Variants in FAT1 observed in about 807,000 individuals in gnomAD.
FAT1 encodes the protein protocadherin Fat 1.
A neutral mutation model predicts 329.8 loss-of-function variants in FAT1; 171 were observed. The observed-to-expected ratio is 0.52, with a 90% CI of 0.46 to 0.59. The LOEUF is 0.59. FAT1 is among the 20% of genes least tolerant of loss of function. The probability of loss-of-function intolerance (pLI) is 0.00; values close to 1 mark genes in which losing one functional copy is unlikely to be tolerated. For missense variants in FAT1, 5,672 were observed against 5,774.4 expected (o/e 0.98, Z 0.57); for synonymous variants, 2,233 against 2,228.6 (o/e 1.00, Z -0.06).
chr4:186,596,874 T>C lies in FAT1; in HGVS notation c.12666A>G (p.Gly4222=). The C allele has an allele frequency of 6.2e-7, 1 of 1,613,992 alleles. No homozygotes were observed. The highest frequency in any genetic ancestry group is 8.5e-7 in the Non-Finnish European group (1 of 1,179,890). The change falls in exon 25 of 27, where the codon GGA becomes GGG. Residue 4222 remains glycine, a synonymous_variant. Transcript: ENST00000441802. The surrounding 1 kb of genome is among the most constrained non-coding windows in gnomAD (Gnocchi z 4.7). ...GTCTTTGCAAGAAAGCCGTAGCGGG[T>C]CCCAGGTGCTTGTCTTTAGGTTCAG... ...HQAEPKDKHL[G]PATAFLQRPY...
chr4:186,617,267 A>C, intron 10 of FAT1, 66 bp from the exon 11 acceptor site: 1 of 1,117,360 alleles, frequency 8.9e-7, no homozygotes, highest in Admixed American at 2.7e-5. Flanking sequence ...GTAACAGAAA[A>C]AATAAACTGT....
rs1478821871 is a variant in FAT1, at chr4:186,619,063, T to C, written c.7523A>G (p.His2508Arg). Reference protein sequence around the residue: ...EVELAENAPLHTLVMEVKTTD... With the variant: ...EVELAENAPLRTLVMEVKTTD... ...AGTTTTCACCTCCATCACCAGGGTA[T>C]GTAGGGGAGCGTTTTCAGCTAGTTC... Residue 2508 changes from histidine (H) to arginine (R), a missense_variant, in exon 10 of 27, where the codon CAT becomes CGT. His to Arg is a conservative substitution (Grantham distance 29). Coordinates refer to ENST00000441802, the MANE Select transcript of FAT1 (RefSeq NM_005245.4). The C allele has an allele frequency of 6.2e-7, 1 of 1,613,860 alleles. No homozygotes were observed. The highest frequency in any genetic ancestry group is 8.5e-7 in the Non-Finnish European group (1 of 1,179,898).
intron 4 of FAT1, among the ~76,000 whole-genome samples, chr4:186,638,630 CACACACACACACACAT>C (rs1348658367): frequency 2.1e-5 from 3 of 144,484 alleles, no homozygotes; most frequent in African/African-American, 4.9e-5. Context: ...CACACACACA[CACACACACACACACAT>C]ACACTGCACA....
intron 3 of FAT1, among the ~76,000 whole-genome samples, chr4:186,657,734 GCA>G (rs1448420242): frequency 6.6e-6 from 1 of 152,154 alleles, no homozygotes; most frequent in Non-Finnish European, 1.5e-5. Context: ...AGATAAGAGA[GCA>G]AGACCATGGT....
chr4:186,648,208 A>G (rs543667169), intron 3 of FAT1, among the ~76,000 whole-genome samples: 231 of 152,250 alleles, frequency 1.5e-3, no homozygotes, highest in Non-Finnish European at 2.7e-3. Flanking sequence ...GAGAGGAGAC[A>G]GGAGAACTTC....
At position 186,633,737 on chromosome 4, in the gene FAT1, T is replaced by C; in HGVS notation, c.4270A>G (p.Asn1424Asp). Residue 1424 changes from asparagine (N) to aspartate (D), a missense_variant, in exon 7 of 27, where the codon AAC becomes GAC. Physicochemically the swap from Asn to Asp is conservative, Grantham distance 23. Transcript: ENST00000441802. ...GTAGCCTCGACTGTGAGGTTGTAGT[T>C]TGACTTCTGTTCTGCATCAAGAGGT... The part of the protein sequence containing the change: ...AKPLDAEQKS[N>D]YNLTVEATDG... 6.2e-7 allele frequency: 1 copy of C among 1,613,998 alleles called. No individual in the cohort carries two copies. The highest frequency in any genetic ancestry group is 8.5e-7 in the Non-Finnish European group (1 of 1,179,884).
intron 2 of FAT1, among the ~76,000 whole-genome samples, chr4:186,680,993 C>T (rs1009341742): frequency 2.0e-5 from 3 of 152,186 alleles, no homozygotes; most frequent in Non-Finnish European, 2.9e-5. Flanking sequence ...AAAAAATAAT[C>T]GGCCTTACCT....
At chr4:186,723,970 C>T (rs327087), upstream of FAT1, 32,898 of 150,254 alleles carry the variant, frequency 0.22, 4,255 homozygotes, top group African/African-American at 0.36. Context: ...GGACCGCGGG[C>T]TCGGCCACGC....
intron 2 of FAT1, among the ~76,000 whole-genome samples, chr4:186,697,462 T>C (rs1204799971): frequency 6.6e-6 from 1 of 152,226 alleles, no homozygotes; most frequent in East Asian, 1.9e-4. Context: ...ATCTGTTTTA[T>C]TTGTGCCGTA....
intron 3 of FAT1, among the ~76,000 whole-genome samples, chr4:186,651,017 TATTAAATA>T (rs1403605903): frequency 4.0e-5 from 6 of 151,162 alleles, no homozygotes; most frequent in Non-Finnish European, 7.4e-5. Context: ...TACAATGAAG[TATTAAATA>T]ATTAAATAAT....
intron 2 of FAT1, among the ~76,000 whole-genome samples, chr4:186,686,032 G>C (rs1285933202): frequency 6.6e-6 from 1 of 152,058 alleles, no homozygotes; most frequent in African/African-American, 2.4e-5. Flanking sequence ...AATATCTATG[G>C]GCAGTCAGCA....
chr4:186,643,644 T>TA, intron 3 of FAT1, among the ~76,000 whole-genome samples: 1 of 152,114 alleles, frequency 6.6e-6, no homozygotes, highest in East Asian at 1.9e-4. Flanking sequence ...CGCTTTACCT[T>TA]ACAGCAATCA....
At chr4:186,591,792 T>C (rs1738251659) in intron 26 of FAT1, among the ~76,000 whole-genome samples, 1 of 152,190 alleles carries the variant, frequency 6.6e-6, no homozygotes, top group African/African-American at 2.4e-5. Flanking sequence ...CTCTTCTGCC[T>C]GATAGCAAAT....
At chr4:186,645,231 C>A (rs1373541389) in intron 3 of FAT1, among the ~76,000 whole-genome samples, 1 of 151,274 alleles carries the variant, frequency 6.6e-6, no homozygotes, top group Non-Finnish European at 1.5e-5. Context: ...CCGGCAGAAC[C>A]CTAAATTATG....
chr4:186,686,941 C>T (rs1048790439), intron 2 of FAT1, among the ~76,000 whole-genome samples: 6 of 152,236 alleles, frequency 3.9e-5, no homozygotes, highest in East Asian at 3.9e-4. Context: ...GCAGCGAAAA[C>T]GAAAAATTCA....
At chr4:186,594,539 G>C (rs1738401793) in intron 26 of FAT1, among the ~76,000 whole-genome samples, 2 of 150,326 alleles carry the variant, frequency 1.3e-5, no homozygotes, top group Non-Finnish European at 3.0e-5. Context: ...ATTCTATCTT[G>C]TTGGTTTAAC....
At chr4:186,616,916 A>T (rs534519733) in intron 11 of FAT1, 89 bp downstream of exon 11, 621 of 1,191,894 alleles carry the variant, frequency 5.2e-4, no homozygotes, top group Non-Finnish European at 6.8e-4. Context: ...ACACATGTGA[A>T]TTACACCACA....
chr4:186,669,356 C>T (rs931590218), intron 2 of FAT1, among the ~76,000 whole-genome samples: 10 of 152,162 alleles, frequency 6.6e-5, no homozygotes, highest in African/African-American at 2.4e-4. Flanking sequence ...TGAGAGCGGT[C>T]GTGATGCTGC....
chr4:186,630,703 G>A (rs1210210959), intron 7 of FAT1, among the ~76,000 whole-genome samples: 1 of 151,940 alleles, frequency 6.6e-6, no homozygotes, highest in East Asian at 1.9e-4. Flanking sequence ...CCTCCAAAAG[G>A]ACGATTATCA....
Sources: allele counts gnomAD v4.1 joint callset (sites outside exome capture counted in the v4.1 genomes callset), GRCh38; gene constraint gnomAD v4.1.1; non-coding constraint Gnocchi (gnomAD v3.1); transcripts MANE v1.5; gene names NCBI Gene and HGNC (gene_info 2026-07-23, HGNC 2026-07-21).